The following ASIC2 variants were observed in gnomAD, a reference collection of about 807,000 sequenced individuals.
The protein encoded by ASIC2 is acid-sensing ion channel 2.
ASIC2 carries 25 observed loss-of-function variants against 57.3 expected under a neutral mutation model. The ratio of observed to expected loss-of-function variants is 0.44; its 90% confidence interval spans 0.32 to 0.61. ASIC2 has a LOEUF of 0.61. Ranked by LOEUF, ASIC2 falls within the 20% of genes least tolerant of loss-of-function variation. The probability of loss-of-function intolerance (pLI) is 0.06; values close to 1 mark genes in which losing one functional copy is unlikely to be tolerated. For synonymous variants in ASIC2, 319 were observed against 307.5 expected (o/e 1.04, Z -0.39); for missense variants, 641 against 738.1 (o/e 0.87, Z 1.52).
At chr17:34,050,558 G>A (rs964239955) in intron 1 of ASIC2, among the ~76,000 whole-genome samples, 12 of 152,228 alleles carry the variant, frequency 7.9e-5, no homozygotes, top group African/African-American at 2.4e-4. Context: ...ATTTCTGTCC[G>A]TTTATGGATT....
At chr17:33,312,236 A>G (rs1158596945) in intron 1 of ASIC2, among the ~76,000 whole-genome samples, 2 of 152,212 alleles carry the variant, frequency 1.3e-5, no homozygotes, top group African/African-American at 2.4e-5. Context: ...TGCCTGGTGT[A>G]TAGTAAACAA....
chr17:33,295,321 C>T (rs572927694), upstream of ASIC2, among the ~76,000 whole-genome samples: 1 of 152,338 alleles, frequency 6.6e-6, no homozygotes, highest in African/African-American at 2.4e-5. Flanking sequence ...TAGAGAAAGA[C>T]ACACGGGCAG....
chr17:34,058,422 T>G (rs1217701437), intron 1 of ASIC2, among the ~76,000 whole-genome samples: 3 of 152,224 alleles, frequency 2.0e-5, no homozygotes, highest in Non-Finnish European at 2.9e-5. Context: ...TTTTCTCATT[T>G]GTTCTCTTAT....
chr17:34,072,427 CTAGA>C (rs1236146622), intron 1 of ASIC2: 2 of 152,128 alleles, frequency 1.3e-5, no homozygotes, highest in African/African-American at 4.8e-5. Flanking sequence ...GAAACTGAGG[CTAGA>C]TAAATTTTTA....
intron 1 of ASIC2, among the ~76,000 whole-genome samples, chr17:33,613,495 G>A (rs1313372164): frequency 6.6e-6 from 1 of 151,350 alleles, no homozygotes; most frequent in Non-Finnish European, 1.5e-5. Context: ...CTCACGAGTA[G>A]CTGGGACTAC....
chr17:34,016,889 C>G (rs62056825), intron 1 of ASIC2, among the ~76,000 whole-genome samples: 2,598 of 152,294 alleles, frequency 0.017, 36 homozygotes, highest in Non-Finnish European at 0.024. Context: ...CTAAGATATT[C>G]ATCAGGATGC....
chr17:33,191,827 C>A (rs1567779295), intron 1 of ASIC2, among the ~76,000 whole-genome samples: 1 of 152,132 alleles, frequency 6.6e-6, no homozygotes. Context: ...AGAAACCAAT[C>A]CCCCAGAATC....
intron 1 of ASIC2, among the ~76,000 whole-genome samples, chr17:33,753,890 G>C (rs540307324): frequency 1.3e-5 from 2 of 152,262 alleles, no homozygotes; most frequent in Admixed American, 1.3e-4. Flanking sequence ...CAGTAACAAT[G>C]TATCAATATT....
intron 1 of ASIC2, among the ~76,000 whole-genome samples, chr17:33,326,745 G>C (rs1907093570): frequency 6.6e-6 from 1 of 152,198 alleles, no homozygotes; most frequent in Non-Finnish European, 1.5e-5. Flanking sequence ...AGGACTTTTA[G>C]CACAGTTTTC....
chr17:33,921,893 T>C (rs1290757278), intron 1 of ASIC2, among the ~76,000 whole-genome samples: 1 of 152,008 alleles, frequency 6.6e-6, no homozygotes. Context: ...TGCCTCCCTC[T>C]CTCTTGAAGC....
chr17:33,710,263 C>T (rs975366002), intron 1 of ASIC2, among the ~76,000 whole-genome samples: 5 of 152,328 alleles, frequency 3.3e-5, no homozygotes, highest in East Asian at 3.9e-4. Context: ...CTCCATTTAT[C>T]CATTCATCCA....
At chr17:33,579,351 A>C (rs1456916041) in intron 1 of ASIC2, among the ~76,000 whole-genome samples, 3 of 151,574 alleles carry the variant, frequency 2.0e-5, no homozygotes, top group South Asian at 2.1e-4. Context: ...CTGGAACACG[A>C]TGTGGCTTGG....
At chr17:33,407,169 G>A (rs568606233) in intron 1 of ASIC2, among the ~76,000 whole-genome samples, 6 of 152,148 alleles carry the variant, frequency 3.9e-5, no homozygotes, top group Non-Finnish European at 7.3e-5. Context: ...ACATTTATTG[G>A]GCATTCGCCA....
At chr17:33,816,442 T>C (rs753535494) in intron 1 of ASIC2, among the ~76,000 whole-genome samples, 8 of 152,194 alleles carry the variant, frequency 5.3e-5, no homozygotes, top group Non-Finnish European at 1.0e-4. Context: ...CTGGCAACAT[T>C]GCAATTATTC....
chr17:33,796,997 G>C (rs746905329), intron 1 of ASIC2, among the ~76,000 whole-genome samples: 4 of 152,212 alleles, frequency 2.6e-5, no homozygotes, highest in Non-Finnish European at 5.9e-5. Context: ...TGAGCTGGAA[G>C]TAAGCAAAGT....
At chr17:33,171,881 GC>G (rs1905535093) in intron 1 of ASIC2, among the ~76,000 whole-genome samples, 1 of 152,152 alleles carries the variant, frequency 6.6e-6, no homozygotes, top group Non-Finnish European at 1.5e-5. Context: ...TGTTCCGTCT[GC>G]CTGGAAAGCC....
chr17:33,417,212 A>T (rs571353060), intron 1 of ASIC2, among the ~76,000 whole-genome samples: 1 of 152,274 alleles, frequency 6.6e-6, no homozygotes, highest in East Asian at 1.9e-4. Context: ...AGGAAGGGAC[A>T]TTTCTTAGAA....
intron 1 of ASIC2, among the ~76,000 whole-genome samples, chr17:33,975,207 G>A (rs895139812): frequency 6.6e-6 from 1 of 152,116 alleles, no homozygotes; most frequent in African/African-American, 2.4e-5. Flanking sequence ...CTTCCCTGTG[G>A]ATCCTTTCTC....
At chr17:33,604,665 A>T (rs564932487) in intron 1 of ASIC2, among the ~76,000 whole-genome samples, 1 of 152,132 alleles carries the variant, frequency 6.6e-6, no homozygotes, top group African/African-American at 2.4e-5. Flanking sequence ...TTCATCCTGG[A>T]GGTGGCTGGA....
Sources: gnomAD v4.1 joint callset for allele counts (sites outside exome capture counted in the v4.1 genomes callset) on GRCh38, gnomAD v4.1.1 for gene constraint, MANE v1.5 for transcripts, NCBI Gene and HGNC (gene_info 2026-07-23, HGNC 2026-07-21) for gene names.